FKBP5: variants seen among roughly 807,000 people sequenced by gnomAD.
FKBP5 encodes the protein peptidyl-prolyl cis-trans isomerase FKBP5.
A neutral mutation model predicts 50.5 loss-of-function variants in FKBP5; 23 were observed. The observed-to-expected ratio is 0.46, with a 90% CI of 0.33 to 0.65. The LOEUF (loss-of-function observed/expected upper bound fraction) is 0.65. Ranked by LOEUF, FKBP5 falls within the 30% of genes least tolerant of loss-of-function variation. The pLI, the probability that FKBP5 is intolerant of heterozygous loss-of-function variation, is 0.02. For synonymous variants in FKBP5, 176 were observed against 190.6 expected, an observed-to-expected ratio of 0.92 and a Z score of 0.63; for missense variants, 411 against 553.1, an observed-to-expected ratio of 0.74 and a Z score of 2.58.
chr6:35,717,715 G>T (rs2151023769), intron 2 of FKBP5, among the ~76,000 whole-genome samples: 1 of 152,346 alleles, frequency 6.6e-6, no homozygotes, highest in South Asian at 2.1e-4. Flanking sequence ...TTCTGCCCGG[G>T]TGTTTGTGAA....
At chr6:35,611,938 T>C (rs1354299959) in intron 5 of FKBP5, among the ~76,000 whole-genome samples, 5 of 152,218 alleles carry the variant, frequency 3.3e-5, no homozygotes, top group Non-Finnish European at 7.4e-5. Context: ...CATAATGTTA[T>C]TCTTTCCCCG....
chr6:35,701,849 C>T (rs1015461772), intron 2 of FKBP5, among the ~76,000 whole-genome samples: 3 of 150,158 alleles, frequency 2.0e-5, no homozygotes, highest in Non-Finnish European at 4.4e-5. Flanking sequence ...CCAGGAATGC[C>T]GTATTTTTTT....
At chr6:35,704,820 A>T (rs1766251157) in intron 2 of FKBP5, among the ~76,000 whole-genome samples, 1 of 152,034 alleles carries the variant, frequency 6.6e-6, no homozygotes, top group South Asian at 2.1e-4. Context: ...AGAGATGATA[A>T]CATAGTACAA....
At chr6:35,686,457 AAAC>A (rs1213535929) in intron 1 of FKBP5, among the ~76,000 whole-genome samples, 1 of 152,146 alleles carries the variant, frequency 6.6e-6, no homozygotes, top group Admixed American at 6.6e-5. Context: ...TAAGGACAAT[AAAC>A]AACTAATTAT....
At chr6:35,682,578 T>C (rs576501289) in intron 1 of FKBP5, among the ~76,000 whole-genome samples, 17 of 152,304 alleles carry the variant, frequency 1.1e-4, no homozygotes, top group Middle Eastern at 3.4e-3. Context: ...CATCTTTAAA[T>C]TGCCAAGTTT....
chr6:35,689,230 G>A (rs1465489587), upstream of FKBP5, among the ~76,000 whole-genome samples: 1 of 152,194 alleles, frequency 6.6e-6, no homozygotes, highest in Non-Finnish European at 1.5e-5. Flanking sequence ...AGAAATTAAT[G>A]CCTAAGCAAG....
At chr6:35,650,912 C>A (rs1764781391) in intron 1 of FKBP5, among the ~76,000 whole-genome samples, 2 of 152,090 alleles carry the variant, frequency 1.3e-5, no homozygotes, top group South Asian at 4.1e-4. Context: ...TCATTACATG[C>A]CAAAATGTCT....
At chr6:35,703,596 T>G (rs1484087051) in intron 2 of FKBP5, among the ~76,000 whole-genome samples, 1 of 152,178 alleles carries the variant, frequency 6.6e-6, no homozygotes, top group African/African-American at 2.4e-5. Context: ...GTCTAGCATA[T>G]GTAGTTGTCT....
chr6:35,652,981 A>G (rs909313167), intron 1 of FKBP5, among the ~76,000 whole-genome samples: 4 of 152,134 alleles, frequency 2.6e-5, no homozygotes, highest in African/African-American at 9.7e-5. Context: ...AAAAGAACCT[A>G]CGTGATTATC....
chr6:35,599,902 T>TG, intron 5 of FKBP5, among the ~76,000 whole-genome samples: 1 of 152,312 alleles, frequency 6.6e-6, no homozygotes, highest in African/African-American at 2.4e-5. Context: ...CACTTAAGGA[T>TG]GGGGATACAT....
At position 35,604,850 on chromosome 6, in the gene FKBP5, G is replaced by C. The variant is rs149903675; in HGVS notation, c.509-7446C>G. ...CTGTTGCCCAGGCTGGAGTGCAGTG[G>C]TGTGATCTCGGCTCACTACAACCTC... On this transcript the variant is annotated intron_variant, in intron 5 of 10. Coordinates refer to ENST00000357266, the MANE Select transcript of FKBP5 (RefSeq NM_004117.4). 4.3e-3 allele frequency among the ~76,000 whole-genome samples: 660 copies of C among 152,000 alleles called. 2 individuals carry two copies. The highest frequency in any genetic ancestry group is 0.027 in the Middle Eastern group (8 of 294).
chr6:35,615,121 C>T (rs1229100135), intron 5 of FKBP5, among the ~76,000 whole-genome samples: 5 of 145,400 alleles, frequency 3.4e-5, no homozygotes, highest in African/African-American at 1.4e-4. Context: ...GAGACTCTGT[C>T]GCAAACAACA....
At chr6:35,683,127 T>TGC (rs1246866365) in intron 1 of FKBP5, among the ~76,000 whole-genome samples, 73 of 20,800 alleles carry the variant, frequency 3.5e-3, no homozygotes, top group African/African-American at 0.015. Context: ...TATATGTGTG[T>TGC]GTGTGTGTGT....
chr6:35,672,035 A>AT (rs1277059131), intron 1 of FKBP5, among the ~76,000 whole-genome samples: 1 of 151,984 alleles, frequency 6.6e-6, no homozygotes, highest in Non-Finnish European at 1.5e-5. Flanking sequence ...CGCCCAGCTA[A>AT]TTTTTTGTAT....
intron 1 of FKBP5, among the ~76,000 whole-genome samples, chr6:35,647,321 A>G (rs1383876787): frequency 6.6e-6 from 1 of 152,204 alleles, no homozygotes; most frequent in East Asian, 1.9e-4. Context: ...CCTTAATATG[A>G]TTTTACCCTA....
chr6:35,616,314 C>CAAAAAAAAAAAAAAAAAAAAAAAAAAA (rs34779549), intron 5 of FKBP5, among the ~76,000 whole-genome samples: 1 of 57,452 alleles, frequency 1.7e-5, no homozygotes, highest in African/African-American at 7.5e-5. Flanking sequence ...GACTCCATCT[C>CAAAAAAAAAAAAAAAAAAAAAAAAAAA]AAAAAAAAAA....
intron 4 of FKBP5, 129 bp from the exon 5 acceptor site, chr6:35,619,339 T>C (rs1281261947): frequency 1.7e-6 from 1 of 583,682 alleles, no homozygotes; most frequent in Non-Finnish European, 3.0e-6. Flanking sequence ...CATTCATTTA[T>C]GCATCTTAAT....
chr6:35,645,339 G>A (rs1764601000), intron 1 of FKBP5, among the ~76,000 whole-genome samples: 1 of 152,188 alleles, frequency 6.6e-6, no homozygotes. Context: ...TGAGATGGAA[G>A]GACTATTGAT....
chr6:35,677,933 G>A (rs1019251981), intron 1 of FKBP5, among the ~76,000 whole-genome samples: 11 of 151,956 alleles, frequency 7.2e-5, no homozygotes, highest in Non-Finnish European at 4.4e-5. Flanking sequence ...ACAGGCACGC[G>A]CCCCCACACT....
Sources: gnomAD v4.1 joint callset for allele counts (sites outside exome capture counted in the v4.1 genomes callset) on GRCh38, gnomAD v4.1.1 for gene constraint, MANE v1.5 for transcripts, NCBI Gene and HGNC (gene_info 2026-07-23, HGNC 2026-07-21) for gene names.